MYH1: variants seen among roughly 807,000 people sequenced by gnomAD.
MYH1 encodes myosin heavy chain 1.
A neutral mutation model predicts 225.6 loss-of-function variants in MYH1; 214 were observed. The ratio of observed to expected loss-of-function variants is 0.95; its 90% CI spans 0.85 to 1.06. The LOEUF (loss-of-function observed/expected upper bound fraction) is 1.06. Ranked by LOEUF, MYH1 falls within the 50% of genes least tolerant of loss-of-function variation. MYH1 has a pLI of 0.00. For synonymous variants in MYH1, 774 were observed against 842.3 expected (o/e 0.92, Z 1.40); for missense variants, 2,098 against 2,344.2 (o/e 0.89, Z 2.17).
At position 10,499,031 on chromosome 17, in the gene MYH1, T is replaced by A. The variant is rs1432787830; in HGVS notation, c.3927A>T (p.Lys1309Asn). 6.2e-7 allele frequency: 1 copy of A among 1,614,200 alleles called. No homozygotes were observed. Among genetic ancestry groups the A allele is most frequent in the Admixed American group, 1.7e-5 (1 of 60,020 alleles). ...DTLVSQLSRG[K>N]QAFTQQIEEL... ...CCTCAATCTGTTGTGTAAAGGCTTGTTTGCCCCTCGAGAGCTGTGAAACTA... is the reference window on the plus strand; with the variant it reads ...CCTCAATCTGTTGTGTAAAGGCTTGATTGCCCCTCGAGAGCTGTGAAACTA... The change falls in exon 29 of 40, where the codon AAA (lysine) becomes AAT (asparagine). Residue 1309 changes from lysine (K) to asparagine (N), a missense_variant. Transcript: ENST00000226207.
Position 10,505,380 on chromosome 17 carries a change from A to G in MYH1, c.2298+8T>C, listed in dbSNP as rs760290366. On this transcript the variant is annotated splice_region_variant and intron_variant, in intron 20 of 39. Coordinates refer to ENST00000226207, the MANE Select transcript of MYH1 (RefSeq NM_005963.4). ...GAATAGCATCAGGTAGGATTTACAG[A>G]ATATTACCTTGGTGTGACCAAATTT... 4 of 1,614,104 alleles carry G rather than the reference A, an allele frequency of 2.5e-6. No individual in the cohort carries two copies. The highest frequency in any genetic ancestry group is 3.4e-6 in the Non-Finnish European group (4 of 1,180,046).
intron 2 of MYH1, 97 bp from the exon 3 acceptor site, chr17:10,516,779 C>T (rs2073234613): frequency 1.9e-6 from 2 of 1,038,164 alleles, no homozygotes; most frequent in Non-Finnish European, 2.7e-6. Flanking sequence ...CAATTGAGTG[C>T]TTAGCATTGC....
At chr17:10,507,814 G>T in intron 17 of MYH1, 72 bp downstream of exon 17, 2 of 1,349,360 alleles carry the variant, frequency 1.5e-6, no homozygotes, top group South Asian at 1.2e-5. Context: ...TGCAAGGTTA[G>T]TTTTTTCCCC....
At position 10,495,018 on chromosome 17, in the gene MYH1, C is replaced by T. The variant is rs547325713; in HGVS notation, c.5379G>A (p.Thr1793=). Residue 1793 remains threonine, a synonymous_variant, in exon 37 of 40, where the codon ACG becomes ACA. Transcript: ENST00000226207. ...LERMKKNLEQ[T]VKDLQHRLDE... The stretch of plus-strand genomic sequence containing the variant: ...CCAGACGATGCTGCAGGTCCTTCAC[C>T]GTCTGTTCCAGGTTCTTCTTCATCC... The T allele has an allele frequency of 1.4e-5, 22 of 1,614,194 alleles. No homozygotes were observed. Among genetic ancestry groups the T allele is most frequent in the Admixed American group, 8.3e-5 (5 of 60,022 alleles).
rs780484505 is a variant in MYH1 at position 10,498,990 on chromosome 17, A to G, written c.3968T>C (p.Leu1323Pro). 3.1e-6 allele frequency: 5 copies of G among 1,613,076 alleles called. No individual in the cohort carries two copies. The highest frequency in any genetic ancestry group is 4.2e-6 in the Non-Finnish European group (5 of 1,178,996). The change falls in exon 29 of 40, where the codon CTT (leucine) becomes CCT (proline). Residue 1323 changes from leucine to proline, a missense_variant. Leu to Pro is a moderately conservative substitution (Grantham distance 98). Coordinates refer to ENST00000226207, the MANE Select transcript of MYH1 (RefSeq NM_005963.4). ...TQQIEELKRQ[L>P]EEEIKAKSAL... ...GGAGCTTACCTTTATCTCCTCTTCAAGTTGCCTTTTCAGTTCCTCAATCTG... is the reference window on the plus strand; with the variant it reads ...GGAGCTTACCTTTATCTCCTCTTCAGGTTGCCTTTTCAGTTCCTCAATCTG...
In MYH1 at chr17:10,498,650, C is replaced by T. The variant is rs778363485; in HGVS notation, c.4157G>A (p.Arg1386His). The T allele has an allele frequency of 2.7e-5, 43 of 1,613,996 alleles. No homozygotes were observed. The highest frequency in any genetic ancestry group is 1.7e-4 in the Middle Eastern group (1 of 6,056). The part of the protein sequence containing the change: ...RTKYETDAIQ[R>H]TEELEEAKKK... Reference sequence around the variant, plus strand: ...CTTGGCCTCCTCCAGCTCCTCTGTGCGCTGGATGGCATCTGTCTCATATTT... The same window carrying T: ...CTTGGCCTCCTCCAGCTCCTCTGTGTGCTGGATGGCATCTGTCTCATATTT... Residue 1386 changes from arginine to histidine, a missense_variant, in exon 30 of 40, where the codon CGC (arginine) becomes CAC (histidine). Arg to His is a conservative substitution (Grantham distance 29). Transcript: ENST00000226207.
At position 10,495,182 on chromosome 17, in the gene MYH1, C is replaced by T. The variant is rs1230656831; in HGVS notation, c.5295+10G>A. On this transcript the variant is annotated intron_variant, in intron 36 of 39. Transcript: ENST00000226207. ...TAAGTTTGACCACCACTGTGTTACC[C>T]TTCACTCACATCAGTGATGGCCTTC... is the stretch of plus-strand genomic sequence containing the variant. 6.2e-7 allele frequency: 1 copy of T among 1,614,220 alleles called. No homozygotes were observed. Among genetic ancestry groups the T allele is most frequent in the South Asian group, 1.1e-5 (1 of 91,086 alleles).
intron 33 of MYH1, 68 bp from the exon 34 acceptor site, chr17:10,496,617 A>T: frequency 1.2e-6 from 2 of 1,601,832 alleles, no homozygotes; most frequent in Non-Finnish European, 1.7e-6. Flanking sequence ...GATAAGAATG[A>T]TTTATCATTC....
intron 1 of MYH1, 42 bp from the exon 2 acceptor site, chr17:10,518,312 A>G (rs2073249823): frequency 6.6e-6 from 1 of 152,202 alleles, no homozygotes; most frequent in Non-Finnish European, 1.5e-5. Flanking sequence ...AAATTATAAC[A>G]ATTCCCGATT....
chr17:10,507,696 TCTCTTCCAAACTATCCC>T (rs975633617), intron 17 of MYH1, among the ~76,000 whole-genome samples, 173 bp downstream of exon 17: 6 of 152,166 alleles, frequency 3.9e-5, no homozygotes, highest in Admixed American at 6.5e-5. Flanking sequence ...TAGTGAGGTA[TCTCTTCCAAACTATCCC>T]CTCTTCCAAA....
Position 10,498,661 on chromosome 17 carries a change from ATC to A in MYH1, c.4144_4145del (p.Asp1382CysfsTer23), listed in dbSNP as rs1300706942. 1 of 1,614,016 alleles carries A rather than the reference ATC, an allele frequency of 6.2e-7. No individual in the cohort carries two copies. The highest frequency in any genetic ancestry group is 8.5e-7 in the Non-Finnish European group (1 of 1,179,888). On this transcript the variant is annotated frameshift_variant, in exon 30 of 40. Coordinates refer to ENST00000226207, the MANE Select transcript of MYH1 (RefSeq NM_005963.4). LOFTEE classifies it high-confidence loss of function. ...CCAGCTCCTCTGTGCGCTGGATGGC[ATC>A]TGTCTCATATTTGGTCCTCCACTGG... ...VAQWRTKYET[D>X]AIQRTEELEE...
At chr17:10,508,752 A>G in intron 15 of MYH1, 80 bp from the exon 16 acceptor site, 3 of 1,519,220 alleles carry the variant, frequency 2.0e-6, no homozygotes, top group Non-Finnish European at 2.7e-6. Context: ...TAATTATCCC[A>G]TCTGAGTAAA....
chr17:10,503,325 C>A, intron 22 of MYH1, 77 bp from the exon 23 acceptor site: 1 of 1,557,740 alleles, frequency 6.4e-7, no homozygotes. Flanking sequence ...ATTTTGAAAC[C>A]AAACAAGTAA....
Position 10,497,317 on chromosome 17 carries a change from T to C in MYH1, c.4501A>G (p.Thr1501Ala). The C allele has an allele frequency of 6.2e-7, 1 of 1,609,174 alleles. No individual in the cohort carries two copies. The highest frequency in any genetic ancestry group is 8.5e-7 in the Non-Finnish European group (1 of 1,178,918). ...AAATTCTTATTTTCCCGTTTCAAGG[T>C]TTCAAGTTGGTCTAAAGATTCCTCA... ...AYEESLDQLETLKRENKNLQQ... is the reference protein window; with the variant it reads ...AYEESLDQLEALKRENKNLQQ... The change falls in exon 32 of 40, where the codon ACC becomes GCC. Residue 1501 changes from threonine to alanine, a missense_variant. Transcript: ENST00000226207.
chr17:10,514,323 C>A (rs1342724200), intron 6 of MYH1, among the ~76,000 whole-genome samples, 199 bp from the exon 7 acceptor site: 4 of 152,170 alleles, frequency 2.6e-5, no homozygotes, highest in Non-Finnish European at 5.9e-5. Flanking sequence ...ACACGTATTT[C>A]TTGAGTGTTT....
At position 10,508,381 on chromosome 17, in the gene MYH1, C is replaced by G. The variant is rs770408863; in HGVS notation, c.1879G>C (p.Ala627Pro). 1 of 1,604,224 alleles carries G rather than the reference C, an allele frequency of 6.2e-7. No homozygotes were observed. The highest frequency in any genetic ancestry group is 8.5e-7 in the Non-Finnish European group (1 of 1,175,206). Residue 627 changes from alanine to proline, a missense_variant, in exon 16 of 40, where the codon GCA (alanine) becomes CCA (proline). Ala to Pro is a conservative substitution (Grantham distance 27, BLOSUM62 -1). Coordinates refer to ENST00000226207, the MANE Select transcript of MYH1 (RefSeq NM_005963.4). ...MKTLALLFVG[A>P]TGAEAEAGGG... ...TAATTACCTGCTTCCGCTCCCGTTG[C>G]CCCAACAAAGAGGAGAGCCAGAGTC...
At chr17:10,500,977 TAA>T in intron 27 of MYH1, 131 bp downstream of exon 27, 6 of 1,421,800 alleles carry the variant, frequency 4.2e-6, no homozygotes, top group Non-Finnish European at 5.7e-6. Context: ...ACTACTTTAC[TAA>T]GTTGTACTAT....
chr17:10,492,499 G>T lies in MYH1; in HGVS notation c.5737C>A (p.Arg1913=). 1 of 1,614,098 alleles carries T rather than the reference G, an allele frequency of 6.2e-7. No homozygotes were observed. The highest frequency in any genetic ancestry group is 8.5e-7 in the Non-Finnish European group (1 of 1,179,988). ...IQHELEEAEE[R]ADIAESQVNK... is the part of the protein sequence containing the mutation. ...ACCTGGGACTCAGCAATGTCAGCCC[G>T]TTCCTCGGCCTCCTCCAGCTCGTGC... is the stretch of plus-strand genomic sequence containing the variant. The change falls in exon 40 of 40, where the codon CGG becomes AGG. Residue 1913 remains arginine (R), a synonymous_variant. Transcript: ENST00000226207.
intron 39 of MYH1, among the ~76,000 whole-genome samples, chr17:10,493,851 C>T (rs967139366): frequency 5.9e-5 from 9 of 152,198 alleles, no homozygotes; most frequent in African/African-American, 2.2e-4. Context: ...CTCTCTGCTC[C>T]ACTCTCTTAT....
Sources: gnomAD v4.1 joint callset for allele counts (sites outside exome capture counted in the v4.1 genomes callset) on GRCh38, gnomAD v4.1.1 for gene constraint, MANE v1.5 for transcripts, NCBI Gene and HGNC (gene_info 2026-07-23, HGNC 2026-07-21) for gene names.